GRID2IP: variants seen among roughly 807,000 people sequenced by gnomAD.
GRID2IP encodes the protein Grid2 interacting protein, also known as delphilin.
In GRID2IP, 78 loss-of-function variants were observed where a neutral mutation model predicts 114.3. The ratio of observed to expected loss-of-function variants is 0.68; its 90% CI spans 0.57 to 0.82. The LOEUF (loss-of-function observed/expected upper bound fraction) is 0.82, where lower values mean the gene tolerates loss of function less well. GRID2IP is among the 40% of genes least tolerant of loss of function. The pLI is 0.00. For synonymous variants in GRID2IP, 809 were observed against 724.0 expected (o/e 1.12, Z -1.89); for missense variants, 1,727 against 1,678.5 (o/e 1.03, Z -0.51).
In GRID2IP at chr7:6,511,060, A is replaced by G. The variant is rs750477436; in HGVS notation, c.1424-21T>C. The stretch of plus-strand genomic sequence containing the variant: ...CTCTGCTGTGGGACATGCAGGGAAC[A>G]TGGGGCCCTCTTGCCCTCTCAGCCA... On this transcript the variant is annotated intron_variant, in intron 8 of 21. Transcript: ENST00000457091. 18 of 1,396,112 alleles carry G rather than the reference A, an allele frequency of 1.3e-5. No individual in the cohort carries two copies. In the South Asian group the frequency reaches 2.9e-4, roughly 22 times the overall value. 86.5% of individuals were successfully genotyped at this position (1,396,112 alleles called of 1,614,324 possible).
intron 20 of GRID2IP, among the ~76,000 whole-genome samples, chr7:6,500,750 G>A (rs1272936618): frequency 1.3e-5 from 2 of 152,240 alleles, no homozygotes; most frequent in Admixed American, 1.3e-4. Flanking sequence ...GGAAAACCCT[G>A]TGTTCCCTGC....
At chr7:6,525,665 C>A (rs1779495943) in intron 4 of GRID2IP, among the ~76,000 whole-genome samples, 1 of 152,008 alleles carries the variant, frequency 6.6e-6, no homozygotes, top group African/African-American at 2.4e-5. Context: ...TAAAAAGATG[C>A]CATGATTTCA....
chr7:6,512,229 TTC>T (rs1290152253), intron 8 of GRID2IP, among the ~76,000 whole-genome samples: 4 of 119,966 alleles, frequency 3.3e-5, no homozygotes, highest in South Asian at 5.0e-4. Context: ...TTTTCTTTTC[TTC>T]TTTTTTTTTT....
Position 6,509,086 on chromosome 7 carries a change from G to C in GRID2IP, c.1999C>G (p.Leu667Val). Residue 667 changes from leucine (L) to valine (V), a missense_variant, in exon 12 of 22, where the codon CTC (leucine) becomes GTC (valine). By Grantham distance (32) the Leu-to-Val change is conservative. Coordinates refer to ENST00000457091, the MANE Select transcript of GRID2IP (RefSeq NM_001145118.2). This position sits in a 1 kb window ranked among gnomAD's most constrained non-coding sequence, Gnocchi z 4.9. ...DPTRPPSRRK[L>V]FTFSHPVRSR... Reference sequence around the variant, plus strand: ...CGCACAGGGTGGGAGAAGGTGAAGAGCTTCCTGCGGCTGGGCGGGCGGGTG... The same window carrying C: ...CGCACAGGGTGGGAGAAGGTGAAGACCTTCCTGCGGCTGGGCGGGCGGGTG... 6.7e-7 allele frequency: 1 copy of C among 1,490,710 alleles called. No individual in the cohort carries two copies. The highest frequency in any genetic ancestry group is 8.9e-7 in the Non-Finnish European group (1 of 1,119,370). The allele number at this position is 1,490,710 out of a possible 1,614,324, so 92.3% of individuals were successfully genotyped here.
rs1261180282 is a variant in GRID2IP, at chr7:6,519,289, A to G, written c.1268+1289T>C. Among the ~76,000 whole-genome samples, 1 of 152,202 alleles carries G rather than the reference A, an allele frequency of 6.6e-6. No individual in the cohort carries two copies. The highest frequency in any genetic ancestry group is 1.5e-5 in the Non-Finnish European group (1 of 68,042). The stretch of plus-strand genomic sequence containing the variant: ...TTGTGAATATACTAAAAACCACTGA[A>G]TTGTATAATTAAATGGCAAATTGTA... On this transcript the variant is annotated intron_variant, in intron 7 of 21. Transcript: ENST00000457091. This position sits in a 1 kb window ranked among gnomAD's most constrained non-coding sequence, Gnocchi z 4.1.
chr7:6,505,958 C>A lies in GRID2IP; in HGVS notation c.2545-51G>T, dbSNP rs535171789. On this transcript the variant is annotated intron_variant, in intron 13 of 21. Coordinates refer to ENST00000457091, the MANE Select transcript of GRID2IP (RefSeq NM_001145118.2). ...AGTAGGAGGAGCAGCAGCAGCTGGA[C>A]TGGCCTCCCACTTCCCACCCTCTGA... The A allele has an allele frequency of 6.1e-5, 79 of 1,304,500 alleles. No individual in the cohort carries two copies. In the Admixed American group the frequency reaches 1.5e-3, roughly 25 times the overall value. The allele number at this position is 1,304,500 out of a possible 1,614,324, so 80.8% of individuals were successfully genotyped here.
At chr7:6,522,278 T>C (rs76575499) in intron 4 of GRID2IP, among the ~76,000 whole-genome samples, 6,741 of 152,240 alleles carry the variant, frequency 0.044, 460 homozygotes, top group African/African-American at 0.15. Flanking sequence ...TGCACGTCTC[T>C]GATCTCAGCT....
At chr7:6,510,774 GC>G (rs1779131366) in intron 9 of GRID2IP, 68 bp from the exon 10 acceptor site, 2 of 1,483,036 alleles carry the variant, frequency 1.3e-6, no homozygotes, top group Non-Finnish European at 1.8e-6. Context: ...GAACCAACAT[GC>G]CCCGCAGACC....
At position 6,519,451 on chromosome 7, in the gene GRID2IP, T is replaced by C. The variant is rs1291369925; in HGVS notation, c.1268+1127A>G. Among the ~76,000 whole-genome samples, 6 of 152,044 alleles carry C rather than the reference T, an allele frequency of 3.9e-5. No homozygotes were observed. Among genetic ancestry groups the C allele is most frequent in the Non-Finnish European group, 8.8e-5 (6 of 68,004 alleles). On this transcript the variant is annotated intron_variant, in intron 7 of 21. Coordinates refer to ENST00000457091, the MANE Select transcript of GRID2IP (RefSeq NM_001145118.2). This position sits in a 1 kb window ranked among gnomAD's most constrained non-coding sequence, Gnocchi z 4.1. ...GGTAACATAGTGAGACCTCCCCATC[T>C]TTTTTAAAAAACAAAACCAAACCAG...
chr7:6,501,928 G>A (rs775513449), intron 19 of GRID2IP, 29 bp from the exon 20 acceptor site: 10 of 1,550,168 alleles, frequency 6.5e-6, no homozygotes, highest in Non-Finnish European at 7.9e-6. Context: ...GGGCTGCATG[G>A]GGCCACTCTC....
intron 1 of GRID2IP, among the ~76,000 whole-genome samples, chr7:6,541,042 T>C (rs967207609): frequency 5.3e-5 from 8 of 151,920 alleles, no homozygotes; most frequent in African/African-American, 1.2e-4. Context: ...TAAAGAGAAC[T>C]GGCTAATTAA....
Position 6,550,657 on chromosome 7 carries a change from C to CAA in GRID2IP, c.429+349_429+350dup, listed in dbSNP as rs71008400. On this transcript the variant is annotated intron_variant, in intron 1 of 21. Transcript: ENST00000457091. ...GAAACCCCGTCTCTACTAAAAATACCAAAAAAAAAAAAAAAAAAAAAATTA... is the reference window on the plus strand; with the variant it reads ...GAAACCCCGTCTCTACTAAAAATACCAAAAAAAAAAAAAAAAAAAAAAAATTA... 5.6e-3 allele frequency among the ~76,000 whole-genome samples: 539 copies of CAA among 97,056 alleles called. 1 individual carries two copies. The highest frequency in any genetic ancestry group is 9.6e-3 in the African/African-American group (248 of 25,958). 63.7% of individuals were successfully genotyped at this position (97,056 alleles called of 152,430 possible). A position where few individuals can be genotyped will look rare whatever the true frequency, so the allele number is the denominator to read the frequency against.
At chr7:6,525,006 T>TTAAAA (rs1270770928) in intron 4 of GRID2IP, among the ~76,000 whole-genome samples, 1 of 151,922 alleles carries the variant, frequency 6.6e-6, no homozygotes, top group Non-Finnish European at 1.5e-5. Flanking sequence ...ACCTCATCTC[T>TTAAAA]TAAAATAAAA....
intron 2 of GRID2IP, among the ~76,000 whole-genome samples, chr7:6,533,670 T>C (rs1228096864): frequency 6.7e-6 from 1 of 148,516 alleles, no homozygotes; most frequent in Non-Finnish European, 1.5e-5. Flanking sequence ...AGCTCATTTT[T>C]AAACTTTTTT....
intron 16 of GRID2IP, 72 bp from the exon 17 acceptor site, chr7:6,503,235 GT>G: frequency 8.0e-7 from 1 of 1,247,922 alleles, no homozygotes; most frequent in Non-Finnish European, 1.1e-6. Context: ...AGGCTTTGGG[GT>G]GGGAGGGGGG....
rs1180168220 is a variant in GRID2IP, at chr7:6,505,862, A to G, written c.2590T>C (p.Tyr864His). The G allele has an allele frequency of 6.4e-7, 1 of 1,552,116 alleles. No homozygotes were observed. Among genetic ancestry groups the G allele is most frequent in the South Asian group, 1.2e-5 (1 of 84,060 alleles). The change falls in exon 14 of 22, where the codon TAC becomes CAC. Residue 864 changes from tyrosine (Y) to histidine (H), a missense_variant. Tyr to His is a moderately conservative substitution (Grantham distance 83). Coordinates refer to ENST00000457091, the MANE Select transcript of GRID2IP (RefSeq NM_001145118.2). The stretch of plus-strand genomic sequence containing the variant: ...CCGAAGTGGAGCTCCAGGTCGAGGT[A>G]TTTCACCATGTCACTCAGCTTATCG... Reference protein sequence around the residue: ...DYDKLSDMVKYLDLELHFGTQ... With the variant: ...DYDKLSDMVKHLDLELHFGTQ...
Position 6,526,601 on chromosome 7 carries a change from C to T in GRID2IP, c.753G>A (p.Pro251=). Residue 251 remains proline (P), a synonymous_variant, in exon 3 of 22, where the codon CCG becomes CCA. Transcript: ENST00000457091. The surrounding 1 kb of genome is among the most constrained non-coding windows in gnomAD (Gnocchi z 7.6). The stretch of plus-strand genomic sequence containing the variant: ...GGGGCGGCTCATCGGGGCGGCGCGG[C>T]GGGGCGCTGGCGCGCGTGGACACCA... ...RLLVSTRASA[P]PRRPDEPPPR... 8.4e-7 allele frequency: 1 copy of T among 1,192,430 alleles called. No homozygotes were observed. The highest frequency in any genetic ancestry group is 1.0e-6 in the Non-Finnish European group (1 of 963,676). 73.9% of individuals were successfully genotyped at this position (1,192,430 alleles called of 1,614,324 possible).
chr7:6,521,823 CAGG>C lies in GRID2IP; in HGVS notation c.989+62_989+64del, dbSNP rs1779417634. 1 of 1,243,038 alleles carries C rather than the reference CAGG, an allele frequency of 8.0e-7. No individual in the cohort carries two copies. Among genetic ancestry groups the C allele is most frequent in the Admixed American group, 2.0e-5 (1 of 49,760 alleles). The allele number at this position is 1,243,038 out of a possible 1,614,324, so 77.0% of individuals were successfully genotyped here. On this transcript the variant is annotated intron_variant, in intron 5 of 21. Coordinates refer to ENST00000457091, the MANE Select transcript of GRID2IP (RefSeq NM_001145118.2). The surrounding 1 kb of genome is among the most constrained non-coding windows in gnomAD (Gnocchi z 4.1). Reference sequence around the variant, plus strand: ...ATCACAGCCTGGGTGCCCCAAGAGGCAGGAGTCTTGCAGGGGGTGGGGGCAGCT... The same window carrying C: ...ATCACAGCCTGGGTGCCCCAAGAGGCAGTCTTGCAGGGGGTGGGGGCAGCT...
chr7:6,544,323 AGGCTGGAG>A (rs1303487325), intron 1 of GRID2IP, among the ~76,000 whole-genome samples: 1 of 151,222 alleles, frequency 6.6e-6, no homozygotes, highest in Non-Finnish European at 1.5e-5. Flanking sequence ...CTTATTGCCC[AGGCTGGAG>A]TGCAATGGCA....
Sources: allele counts gnomAD v4.1 joint callset (sites outside exome capture counted in the v4.1 genomes callset), GRCh38; gene constraint gnomAD v4.1.1; non-coding constraint Gnocchi (gnomAD v3.1); transcripts MANE v1.5; gene names NCBI Gene and HGNC (gene_info 2026-07-23, HGNC 2026-07-21).